Variants in PDAP1 observed in about 807,000 individuals in gnomAD.
PDAP1 encodes the protein 28 kDa heat- and acid-stable phosphoprotein.
A neutral mutation model predicts 28.0 loss-of-function variants in PDAP1; 13 were observed. That is an observed-to-expected ratio of 0.46 (90% CI 0.30 to 0.74). PDAP1 has a LOEUF of 0.74. Ranked by LOEUF, PDAP1 falls within the 30% of genes least tolerant of loss-of-function variation. The probability of loss-of-function intolerance (pLI) is 0.07; values close to 1 mark genes in which losing one functional copy is unlikely to be tolerated. For missense variants in PDAP1, 150 were observed against 230.0 expected (o/e 0.65, Z 2.25); for synonymous variants, 77 against 85.1 (o/e 0.91, Z 0.52).
chr7:99,397,827 G>C, intron 5 of PDAP1, 35 bp downstream of exon 5: 1 of 1,605,174 alleles, frequency 6.2e-7, no homozygotes, highest in Non-Finnish European at 8.5e-7. Flanking sequence ...GACCAGAGTT[G>C]GGGCCTGTCC....
chr7:99,396,412 T>G lies in PDAP1; in HGVS notation c.*270A>C. The G allele has an allele frequency of 1.9e-6, 1 of 516,474 alleles. No individual in the cohort carries two copies. The highest frequency in any genetic ancestry group is 3.5e-6 in the Non-Finnish European group (1 of 284,520). The allele number at this position is 516,474 out of a possible 1,614,324, so 32.0% of individuals were successfully genotyped here. On this transcript the variant is annotated 3_prime_UTR_variant, in exon 6 of 6. Coordinates refer to ENST00000350498, the MANE Select transcript of PDAP1 (RefSeq NM_014891.7). ...GGCACCCCCCAGCAAGGGCTCTGAA[T>G]TCTAAAAACAGCAAAAACATTCAAA...
chr7:99,394,758 A>C lies in PDAP1; in HGVS notation c.*1924T>G. The C allele has an allele frequency of 8.4e-7, 1 of 1,194,746 alleles. No individual in the cohort carries two copies. The highest frequency in any genetic ancestry group is 4.4e-5 in the South Asian group (1 of 22,934). The allele number at this position is 1,194,746 out of a possible 1,614,324, so 74.0% of individuals were successfully genotyped here. A position where few individuals can be genotyped will look rare whatever the true frequency, so the allele number is the denominator to read the frequency against. ...GGTCATGAACTGCTTCAAAATGTGG[A>C]GGTAATAAAATGCAACTGTGTAAAA... On this transcript the variant is annotated 3_prime_UTR_variant, in exon 6 of 6. Coordinates refer to ENST00000350498, the MANE Select transcript of PDAP1 (RefSeq NM_014891.7).
chr7:99,399,245 T>C (rs1450413455), intron 4 of PDAP1, among the ~76,000 whole-genome samples: 4 of 152,014 alleles, frequency 2.6e-5, no homozygotes, highest in Non-Finnish European at 5.9e-5. Context: ...ACTACAGAGC[T>C]GAGGAGATAA....
intron 2 of PDAP1, 52 bp downstream of exon 2, chr7:99,404,810 G>T: frequency 6.9e-7 from 1 of 1,457,872 alleles, no homozygotes; most frequent in East Asian, 2.3e-5. Context: ...GAACCAAATT[G>T]GCAAAGCGCC....
Position 99,408,519 on chromosome 7 carries a change from C to T in PDAP1, c.13+17G>A. On this transcript the variant is annotated intron_variant, in intron 1 of 5. Coordinates refer to ENST00000350498, the MANE Select transcript of PDAP1 (RefSeq NM_014891.7). ...CCGCCCCTCCAGGCCTGCGGGCCAC[C>T]GGCGCCCGCCCCTCACCTCCTTTAG... 7.6e-7 allele frequency: 1 copy of T among 1,320,146 alleles called. No homozygotes were observed. The highest frequency in any genetic ancestry group is 9.7e-7 in the Non-Finnish European group (1 of 1,033,712). 81.8% of individuals were successfully genotyped at this position (1,320,146 alleles called of 1,614,324 possible).
intron 3 of PDAP1, 72 bp downstream of exon 3, chr7:99,403,326 C>G: frequency 1.1e-6 from 1 of 917,272 alleles, no homozygotes; most frequent in Admixed American, 1.7e-5. Flanking sequence ...GGGACTAGTA[C>G]TAAACGGTCA....
At chr7:99,401,483 C>A (rs1472824950) in intron 3 of PDAP1, among the ~76,000 whole-genome samples, 1 of 151,976 alleles carries the variant, frequency 6.6e-6, no homozygotes, top group African/African-American at 2.4e-5. Flanking sequence ...GAACCACCAC[C>A]CCCGACTAAT....
chr7:99,405,024 C>G (rs974614319), intron 1 of PDAP1, 71 bp from the exon 2 acceptor site: 1 of 1,180,156 alleles, frequency 8.5e-7, no homozygotes, highest in African/African-American at 1.5e-5. Context: ...AGGGCTGTGT[C>G]CTGCTTGGAG....
At chr7:99,401,154 G>A (rs180915656) in intron 3 of PDAP1, among the ~76,000 whole-genome samples, 1 of 152,214 alleles carries the variant, frequency 6.6e-6, no homozygotes, top group Non-Finnish European at 1.5e-5. Flanking sequence ...TCAGATGCCT[G>A]GCACTGTAAA....
At position 99,406,177 on chromosome 7, in the gene PDAP1, A is replaced by C. The variant is rs574647874; in HGVS notation, c.14-1224T>G. ...GAAAGGAGAATCGCTTGAACCCAGGAGGCAGAGGTTGCAGTAGCCGAGATT... is the reference window on the plus strand; with the variant it reads ...GAAAGGAGAATCGCTTGAACCCAGGCGGCAGAGGTTGCAGTAGCCGAGATT... On this transcript the variant is annotated intron_variant, in intron 1 of 5. Transcript: ENST00000350498. 2.0e-5 allele frequency among the ~76,000 whole-genome samples: 3 copies of C among 152,276 alleles called. No individual in the cohort carries two copies. In the South Asian group the frequency reaches 6.2e-4, roughly 32 times the overall value.
At chr7:99,398,417 C>T (rs1056916875) in intron 4 of PDAP1, among the ~76,000 whole-genome samples, 5 of 152,216 alleles carry the variant, frequency 3.3e-5, no homozygotes, top group Admixed American at 6.5e-5. Flanking sequence ...AAGGGCTGGG[C>T]ATGGTGGCTC....
At chr7:99,398,449 T>C (rs1212362525) in intron 4 of PDAP1, among the ~76,000 whole-genome samples, 1 of 152,200 alleles carries the variant, frequency 6.6e-6, no homozygotes, top group South Asian at 2.1e-4. Flanking sequence ...CCCAGCACTC[T>C]GGGAGGCCAA....
chr7:99,406,654 A>G (rs1794977224), intron 1 of PDAP1: 2 of 973,716 alleles, frequency 2.1e-6, no homozygotes, highest in Non-Finnish European at 2.4e-6. Context: ...CTGGTCCCCA[A>G]GTATGCAAGG....
intron 2 of PDAP1, among the ~76,000 whole-genome samples, chr7:99,403,712 G>A (rs1253375350): frequency 6.6e-6 from 1 of 152,098 alleles, no homozygotes; most frequent in Non-Finnish European, 1.5e-5. Flanking sequence ...TAGCACCACA[G>A]CTTAGAGGCC....
At chr7:99,408,445 CTCT>C (rs1181743005) in intron 1 of PDAP1, 88 bp downstream of exon 1, 13 of 1,196,958 alleles carry the variant, frequency 1.1e-5, no homozygotes, top group Middle Eastern at 2.6e-4. Context: ...CTCTGCGCTG[CTCT>C]CAGAGACGCG....
At chr7:99,397,280 C>G (rs1397764860) in intron 5 of PDAP1, among the ~76,000 whole-genome samples, 2 of 152,054 alleles carry the variant, frequency 1.3e-5, no homozygotes, top group South Asian at 2.1e-4. Context: ...TCTCACAGAC[C>G]CCCGGGAGAT....
chr7:99,394,904 C>T lies in PDAP1; in HGVS notation c.*1778G>A. ...CTGCACTAGAACTCGTGGGAGCAAT[C>T]CTTCTGCCTCAGCCTCCCAAGTAGC... On this transcript the variant is annotated 3_prime_UTR_variant, in exon 6 of 6. Coordinates refer to ENST00000350498, the MANE Select transcript of PDAP1 (RefSeq NM_014891.7). The T allele has an allele frequency of 4.0e-6, 4 of 998,068 alleles. No homozygotes were observed. The highest frequency in any genetic ancestry group is 5.1e-6 in the Non-Finnish European group (4 of 784,620). 61.8% of individuals were successfully genotyped at this position (998,068 alleles called of 1,614,324 possible).
chr7:99,397,186 T>A (rs777218647), intron 5 of PDAP1, among the ~76,000 whole-genome samples: 1 of 152,142 alleles, frequency 6.6e-6, no homozygotes, highest in Non-Finnish European at 1.5e-5. Context: ...CGGGTGACAA[T>A]GTCCCTGAGC....
chr7:99,396,282 G>C lies in PDAP1; in HGVS notation c.*400C>G. On this transcript the variant is annotated 3_prime_UTR_variant, in exon 6 of 6. Coordinates refer to ENST00000350498, the MANE Select transcript of PDAP1 (RefSeq NM_014891.7). Reference sequence around the variant, plus strand: ...TGAGCACCCAGGCAACACAGTCCGGGGCTGTGTGTAGCAAACCTGTCAGCA... The same window carrying C: ...TGAGCACCCAGGCAACACAGTCCGGCGCTGTGTGTAGCAAACCTGTCAGCA... 1 of 325,398 alleles carries C rather than the reference G, an allele frequency of 3.1e-6. No homozygotes were observed. Among genetic ancestry groups the C allele is most frequent in the Non-Finnish European group, 6.0e-6 (1 of 167,802 alleles). The allele number at this position is 325,398 out of a possible 1,614,324, so 20.2% of individuals were successfully genotyped here.
Sources: gnomAD v4.1 joint callset for allele counts (sites outside exome capture counted in the v4.1 genomes callset) on GRCh38, gnomAD v4.1.1 for gene constraint, MANE v1.5 for transcripts, NCBI Gene and HGNC (gene_info 2026-07-23, HGNC 2026-07-21) for gene names.